Variants in CSMD1 observed in about 807,000 individuals in gnomAD.
The protein encoded by CSMD1 is CUB and sushi domain-containing protein 1.
A neutral mutation model predicts 417.5 loss-of-function variants in CSMD1; 213 were observed. The ratio of observed to expected loss-of-function variants is 0.51; its 90% CI spans 0.46 to 0.57. The LOEUF (loss-of-function observed/expected upper bound fraction) is 0.57, where lower values mean the gene tolerates loss of function less well. Ranked by LOEUF, CSMD1 falls within the 20% of genes least tolerant of loss-of-function variation. The pLI is 0.00. For synonymous variants in CSMD1, 2,862 were observed against 1,736.8 expected, an observed-to-expected ratio of 1.65 and a Z score of -16.11; for missense variants, 6,923 against 4,529.7, an observed-to-expected ratio of 1.53 and a Z score of -15.17.
intron 3 of CSMD1, among the ~76,000 whole-genome samples, chr8:4,101,222 C>G (rs1162771685): frequency 1.3e-5 from 2 of 152,142 alleles, no homozygotes. Flanking sequence ...CTTGGTTTTC[C>G]TTTTGTTTTT....
At chr8:3,197,427 T>G (rs922217876) in intron 33 of CSMD1, among the ~76,000 whole-genome samples, 2 of 150,168 alleles carry the variant, frequency 1.3e-5, no homozygotes, top group Non-Finnish European at 3.0e-5. Context: ...ATGAAAGCAC[T>G]GTTTAGAATA....
intron 1 of CSMD1, among the ~76,000 whole-genome samples, chr8:4,829,638 G>A (rs1421118620): frequency 1.3e-5 from 2 of 151,888 alleles, no homozygotes; most frequent in Non-Finnish European, 2.9e-5. Flanking sequence ...TACTCAGGAG[G>A]CTGAGGAGGG....
At chr8:4,215,698 A>T (rs980002766) in intron 3 of CSMD1, among the ~76,000 whole-genome samples, 1 of 152,200 alleles carries the variant, frequency 6.6e-6, no homozygotes, top group East Asian at 1.9e-4. Context: ...TAATATGCAG[A>T]TTCTTTAAAA....
intron 8 of CSMD1, among the ~76,000 whole-genome samples, chr8:3,595,772 G>T (rs542574785): frequency 6.6e-6 from 1 of 152,288 alleles, no homozygotes; most frequent in Admixed American, 6.5e-5. Flanking sequence ...CTAAACAACA[G>T]GACTTTGTCA....
intron 7 of CSMD1, among the ~76,000 whole-genome samples, chr8:3,678,764 A>G (rs1262245786): frequency 3.3e-5 from 5 of 152,180 alleles, no homozygotes; most frequent in Non-Finnish European, 7.4e-5. Flanking sequence ...AATGAAGGAA[A>G]AAATGTTAAG....
chr8:3,379,435 G>C lies in CSMD1; in HGVS notation c.2782+8059C>G, dbSNP rs1017669374. ...ATGGAACCAAAAAAGAGCCCATATA[G>C]CCAAATGAATCCTAAGCCAAAAGAA... On this transcript the variant is annotated intron_variant, in intron 18 of 69. Coordinates refer to ENST00000635120, the MANE Select transcript of CSMD1 (RefSeq NM_033225.6). Among the ~76,000 whole-genome samples the C allele has an allele frequency of 2.0e-5, 3 of 152,140 alleles. No homozygotes were observed. The South Asian group carries it at 6.2e-4, about 32-fold the overall frequency.
At chr8:4,645,559 G>C (rs1803467532) in intron 1 of CSMD1, among the ~76,000 whole-genome samples, 1 of 150,964 alleles carries the variant, frequency 6.6e-6, no homozygotes, top group African/African-American at 2.4e-5. Context: ...ATTGCCTCAT[G>C]GATATGAGCC....
At position 4,359,153 on chromosome 8, in the gene CSMD1, C is replaced by T. The variant is rs549728362; in HGVS notation, c.415+60800G>A. ...AGGCAGAGTTGTAGCCCAGTTCGGTCACTAATAAGTTACTTGGTTATCAGC... is the reference window on the plus strand; with the variant it reads ...AGGCAGAGTTGTAGCCCAGTTCGGTTACTAATAAGTTACTTGGTTATCAGC... On this transcript the variant is annotated intron_variant, in intron 3 of 69. Transcript: ENST00000635120. 1.4e-3 allele frequency among the ~76,000 whole-genome samples: 215 copies of T among 152,246 alleles called. 1 individual carries two copies. Among genetic ancestry groups the T allele is most frequent in the African/African-American group, 5.0e-3 (207 of 41,542 alleles).
chr8:4,474,392 A>G (rs1800689568), intron 2 of CSMD1, among the ~76,000 whole-genome samples: 1 of 152,206 alleles, frequency 6.6e-6, no homozygotes, highest in Non-Finnish European at 1.5e-5. Flanking sequence ...TAAGAGGAGG[A>G]CAGAGAATTG....
intron 52 of CSMD1, among the ~76,000 whole-genome samples, chr8:3,004,179 C>T (rs768409283): frequency 1.4e-4 from 22 of 152,178 alleles, no homozygotes; most frequent in Admixed American, 1.1e-3. Context: ...TGAAATTCCT[C>T]AGTGGACCTT....
intron 2 of CSMD1, among the ~76,000 whole-genome samples, chr8:4,460,858 A>T (rs1316868668): frequency 1.3e-5 from 2 of 152,202 alleles, no homozygotes; most frequent in East Asian, 3.9e-4. Flanking sequence ...GAGTAGAATT[A>T]TTGTCAGTCT....
Position 3,499,613 on chromosome 8 carries a change from C to T in CSMD1, c.1345-5887G>A, listed in dbSNP as rs545958177. On this transcript the variant is annotated intron_variant, in intron 10 of 69. Coordinates refer to ENST00000635120, the MANE Select transcript of CSMD1 (RefSeq NM_033225.6). ...TAGTGTGCCTCAAGAATTCAGCTCTCAGGGTCTTGGGAGCATGCACTTTGG... is the reference window on the plus strand; with the variant it reads ...TAGTGTGCCTCAAGAATTCAGCTCTTAGGGTCTTGGGAGCATGCACTTTGG... 2.6e-5 allele frequency among the ~76,000 whole-genome samples: 4 copies of T among 152,124 alleles called. No homozygotes were observed. The South Asian group carries it at 6.2e-4, about 24-fold the overall frequency.
intron 10 of CSMD1, among the ~76,000 whole-genome samples, chr8:3,523,963 TTACACATGCACA>T (rs1797635220): frequency 1.1e-5 from 1 of 89,370 alleles, no homozygotes; most frequent in African/African-American, 4.4e-5. Context: ...ACATGCACAC[TTACACATGCACA>T]CACACATGCA....
intron 2 of CSMD1, among the ~76,000 whole-genome samples, chr8:4,464,255 G>A (rs1321806778): frequency 6.6e-6 from 1 of 152,092 alleles, no homozygotes; most frequent in Non-Finnish European, 1.5e-5. Flanking sequence ...ACATCTTCCT[G>A]CAGTGATTGT....
At chr8:4,652,374 T>G in intron 1 of CSMD1, among the ~76,000 whole-genome samples, 1 of 93,252 alleles carries the variant, frequency 1.1e-5, no homozygotes, top group East Asian at 2.7e-4. Context: ...CATATGAGAC[T>G]TCCATTCTGT....
At chr8:3,638,005 A>C (rs1294682815) in intron 7 of CSMD1, among the ~76,000 whole-genome samples, 4 of 152,168 alleles carry the variant, frequency 2.6e-5, no homozygotes, top group Non-Finnish European at 4.4e-5. Context: ...CCATGAGTCC[A>C]TTAAACCTAT....
At chr8:3,767,303 G>A (rs78401498) in intron 5 of CSMD1, among the ~76,000 whole-genome samples, 1 of 152,198 alleles carries the variant, frequency 6.6e-6, no homozygotes, top group Non-Finnish European at 1.5e-5. Flanking sequence ...CAATGGTGTG[G>A]TCATTACGAA....
At chr8:3,486,907 T>C (rs1818070328) in intron 11 of CSMD1, among the ~76,000 whole-genome samples, 1 of 152,198 alleles carries the variant, frequency 6.6e-6, no homozygotes, top group Non-Finnish European at 1.5e-5. Flanking sequence ...CAGAGAGATC[T>C]GGCAATGTCT....
At chr8:3,398,470 C>T (rs747788699) in intron 16 of CSMD1, among the ~76,000 whole-genome samples, 2 of 152,132 alleles carry the variant, frequency 1.3e-5, no homozygotes, top group Non-Finnish European at 2.9e-5. Flanking sequence ...AAAGTTAACA[C>T]AACTCCTGCT....
Sources: gnomAD v4.1 joint callset for allele counts (sites outside exome capture counted in the v4.1 genomes callset) on GRCh38, gnomAD v4.1.1 for gene constraint, MANE v1.5 for transcripts, NCBI Gene and HGNC (gene_info 2026-07-23, HGNC 2026-07-21) for gene names.